FERMT2: variants seen among roughly 807,000 people sequenced by gnomAD.
FERMT2 encodes the protein fermitin family homolog 2.
A neutral mutation model predicts 82.7 loss-of-function variants in FERMT2; 15 were observed. The ratio of observed to expected loss-of-function variants is 0.18; its 90% CI spans 0.12 to 0.28. The LOEUF (loss-of-function observed/expected upper bound fraction) is 0.28. Ranked by LOEUF, FERMT2 falls within the 10% of genes least tolerant of loss-of-function variation. The pLI is 1.00. For synonymous variants in FERMT2, 274 were observed against 271.5 expected, an observed-to-expected ratio of 1.01 and a Z score of -0.09; for missense variants, 645 against 809.4, an observed-to-expected ratio of 0.80 and a Z score of 2.46.
intron 2 of FERMT2, among the ~76,000 whole-genome samples, chr14:52,944,906 C>T (rs1890258075): frequency 6.8e-6 from 1 of 147,620 alleles, no homozygotes; most frequent in African/African-American, 2.5e-5. Flanking sequence ...TTTTCTTTTT[C>T]TTTTTTTTTT....
At chr14:52,917,744 A>G (rs1384464962) in intron 3 of FERMT2, among the ~76,000 whole-genome samples, 1 of 152,200 alleles carries the variant, frequency 6.6e-6, no homozygotes. Flanking sequence ...GAAGACAGAA[A>G]AAAGTTGGTA....
chr14:52,885,252 G>A (rs1886526995), intron 4 of FERMT2, among the ~76,000 whole-genome samples: 1 of 128,932 alleles, frequency 7.8e-6, no homozygotes, highest in South Asian at 2.5e-4. Flanking sequence ...GGCAGAGGTT[G>A]CAGTGAGCCA....
At chr14:52,875,479 G>T in intron 7 of FERMT2, 122 bp from the exon 8 acceptor site, 1 of 651,874 alleles carries the variant, frequency 1.5e-6, no homozygotes, top group Non-Finnish European at 2.5e-6. Context: ...GAAGCGTCTA[G>T]GAACTAGAAC....
intron 3 of FERMT2, among the ~76,000 whole-genome samples, chr14:52,917,692 G>C (rs1448701247): frequency 1.3e-5 from 2 of 152,168 alleles, no homozygotes; most frequent in African/African-American, 4.8e-5. Context: ...AGTGCTAGGA[G>C]ACAGGAAACT....
chr14:52,879,242 A>G (rs1886155617), intron 6 of FERMT2, among the ~76,000 whole-genome samples: 1 of 152,218 alleles, frequency 6.6e-6, no homozygotes. Context: ...GTTTACTTAT[A>G]TGTTATTCAA....
intron 3 of FERMT2, among the ~76,000 whole-genome samples, chr14:52,905,450 C>T (rs1315923348): frequency 6.6e-6 from 1 of 152,026 alleles, no homozygotes; most frequent in Non-Finnish European, 1.5e-5. Flanking sequence ...AATCTTTCTG[C>T]TTACTGAATA....
At chr14:52,942,393 T>C (rs1012978764) in intron 2 of FERMT2, among the ~76,000 whole-genome samples, 62 of 151,404 alleles carry the variant, frequency 4.1e-4, no homozygotes, top group African/African-American at 1.4e-3. Context: ...AGCTCCCCCT[T>C]CTGGGTTCAC....
intron 2 of FERMT2, among the ~76,000 whole-genome samples, chr14:52,939,681 C>T (rs1168062097): frequency 2.0e-5 from 3 of 152,224 alleles, no homozygotes; most frequent in Admixed American, 2.0e-4. Context: ...ATGGTCAAGT[C>T]AGGATTCTGA....
At chr14:52,899,567 C>A (rs1363197068) in intron 3 of FERMT2, among the ~76,000 whole-genome samples, 1 of 152,178 alleles carries the variant, frequency 6.6e-6, no homozygotes, top group African/African-American at 2.4e-5. Context: ...CAGGTGTGAG[C>A]CACTGCACCT....
At chr14:52,901,575 G>A (rs1457833885) in intron 3 of FERMT2, among the ~76,000 whole-genome samples, 1 of 152,204 alleles carries the variant, frequency 6.6e-6, no homozygotes, top group Non-Finnish European at 1.5e-5. Context: ...GACAGAAGGA[G>A]TGGTCAGATA....
chr14:52,941,484 C>T (rs947891581), intron 2 of FERMT2, among the ~76,000 whole-genome samples: 2 of 152,154 alleles, frequency 1.3e-5, no homozygotes, highest in African/African-American at 4.8e-5. Flanking sequence ...AGTAATTATG[C>T]AACTAATTTG....
intron 2 of FERMT2, among the ~76,000 whole-genome samples, chr14:52,941,529 A>C (rs1481382546): frequency 6.6e-6 from 1 of 152,224 alleles, no homozygotes; most frequent in African/African-American, 2.4e-5. Context: ...TGAATTTGTA[A>C]CCACAAACCC....
chr14:52,860,847 T>A, intron 12 of FERMT2: 1 of 652,696 alleles, frequency 1.5e-6, no homozygotes, highest in East Asian at 2.9e-5. Flanking sequence ...CTGGAATACA[T>A]GTTTCTAGCA....
chr14:52,900,616 T>C (rs1344658510), intron 3 of FERMT2, among the ~76,000 whole-genome samples: 3 of 152,062 alleles, frequency 2.0e-5, no homozygotes, highest in Non-Finnish European at 4.4e-5. Flanking sequence ...ACAGTAACTT[T>C]GTAAACTGGA....
At chr14:52,864,648 G>A in intron 11 of FERMT2, 26 bp from the exon 12 acceptor site, 1 of 1,597,602 alleles carries the variant, frequency 6.3e-7, no homozygotes, top group African/African-American at 1.3e-5. Context: ...ACTGATGTGT[G>A]CAATGTATCA....
In FERMT2 at chr14:52,872,890, T is replaced by C. The variant is rs1278060278; in HGVS notation, c.1182A>G (p.Gln394=). ...ATGTGTCTTTGAAGGTGCACCAATA[T>C]TGTTTGTAACCTTTCAGAGTCAGCT... ...PKKLTLKGYK[Q]YWCTFKDTSI... Residue 394 remains glutamine, a synonymous_variant, in exon 10 of 15, where the codon CAA becomes CAG. Coordinates refer to ENST00000341590, the MANE Select transcript of FERMT2 (RefSeq NM_006832.3). The C allele has an allele frequency of 1.9e-6, 3 of 1,613,978 alleles. No homozygotes were observed. Among genetic ancestry groups the C allele is most frequent in the Non-Finnish European group, 2.5e-6 (3 of 1,179,866 alleles).
chr14:52,861,646 T>A (rs1884945401), intron 12 of FERMT2: 1 of 152,658 alleles, frequency 6.6e-6, no homozygotes, highest in South Asian at 2.1e-4. Context: ...GTATACTACA[T>A]GAGGAATTTC....
chr14:52,938,069 GT>G lies in FERMT2; in HGVS notation c.157+12342del, dbSNP rs1164744426. Among the ~76,000 whole-genome samples the G allele has an allele frequency of 2.6e-5, 4 of 152,326 alleles. No homozygotes were observed. In the East Asian group the frequency reaches 7.7e-4, roughly 29 times the overall value. ...TATAAGGACACTAAGTTGCGAAGAT[GT>G]TAAATAACGTGGCACAGGGTCACAA... On this transcript the variant is annotated intron_variant, in intron 2 of 14. Coordinates refer to ENST00000341590, the MANE Select transcript of FERMT2 (RefSeq NM_006832.3).
chr14:52,920,218 G>T (rs1206874974), intron 2 of FERMT2, among the ~76,000 whole-genome samples: 1 of 152,332 alleles, frequency 6.6e-6, no homozygotes, highest in African/African-American at 2.4e-5. Context: ...AGGATAGGAA[G>T]TTGGTTTTTA....
Sources: gnomAD v4.1 joint callset for allele counts (sites outside exome capture counted in the v4.1 genomes callset) on GRCh38, gnomAD v4.1.1 for gene constraint, MANE v1.5 for transcripts, NCBI Gene and HGNC (gene_info 2026-07-23, HGNC 2026-07-21) for gene names.